FABP6: variants seen among roughly 807,000 people sequenced by gnomAD.
The protein encoded by FABP6 is fatty acid binding protein 6, also known as gastrotropin.
A neutral mutation model predicts 14.9 loss-of-function variants in FABP6; 13 were observed. The observed-to-expected ratio is 0.87, with a 90% confidence interval of 0.57 to 1.39. The LOEUF (loss-of-function observed/expected upper bound fraction) is 1.39. Ranked by LOEUF, FABP6 falls within the 40% of genes most tolerant of loss-of-function variation. The pLI is 0.00. For missense variants in FABP6, 161 were observed against 167.2 expected (o/e 0.96, Z 0.20); for synonymous variants, 75 against 63.6 (o/e 1.18, Z -0.85).
chr5:160,196,428 G>A (rs1759510963), intron 1 of FABP6, among the ~76,000 whole-genome samples: 1 of 152,222 alleles, frequency 6.6e-6, no homozygotes, highest in African/African-American at 2.4e-5. Flanking sequence ...CTAGGGTTAG[G>A]GAAGGCTTTC....
intron 3 of FABP6, among the ~76,000 whole-genome samples, chr5:160,235,445 T>C (rs1760487731): frequency 6.6e-6 from 1 of 152,196 alleles, no homozygotes; most frequent in Admixed American, 6.5e-5. Context: ...CTGTAAATAT[T>C]GGCAGGTCCC....
chr5:160,206,032 T>C (rs1425845904), intron 2 of FABP6, among the ~76,000 whole-genome samples: 2 of 152,202 alleles, frequency 1.3e-5, no homozygotes, highest in African/African-American at 4.8e-5. Flanking sequence ...CCTCCTTCCA[T>C]AAACACATTA....
chr5:160,200,721 A>C (rs1193538173), intron 2 of FABP6, among the ~76,000 whole-genome samples: 2 of 152,108 alleles, frequency 1.3e-5, no homozygotes, highest in Non-Finnish European at 2.9e-5. Context: ...GCAAGTCTTT[A>C]GTTTGAGGAG....
At position 160,201,773 on chromosome 5, in the gene FABP6, T is replaced by A. The variant is rs28699582; in HGVS notation, c.51+2616T>A. Reference sequence around the variant, plus strand: ...CTCATTCATTCATTCACTTATTTATTTATTTTTTGCGACAGGGTCTTACTC... The same window carrying A: ...CTCATTCATTCATTCACTTATTTATATATTTTTTGCGACAGGGTCTTACTC... On this transcript the variant is annotated intron_variant, in intron 2 of 6. Transcript: ENST00000393980. 6.4e-3 allele frequency among the ~76,000 whole-genome samples: 973 copies of A among 152,146 alleles called. 10 individuals carry two copies. The highest frequency in any genetic ancestry group is 0.023 in the African/African-American group (937 of 41,508).
intron 2 of FABP6, among the ~76,000 whole-genome samples, chr5:160,205,535 A>AC (rs796451549): frequency 5.8e-4 from 89 of 152,198 alleles, no homozygotes; most frequent in African/African-American, 2.0e-3. Context: ...GCTGACTCCA[A>AC]CCCTGCTCCA....
At chr5:160,214,162 T>TTCATTCTTTC in intron 3 of FABP6, among the ~76,000 whole-genome samples, 1 of 143,674 alleles carries the variant, frequency 7.0e-6, no homozygotes. Context: ...TTTCTTTCCT[T>TTCATTCTTTC]CTTCTCTCTT....
At chr5:160,222,569 G>A (rs1335356806) in intron 3 of FABP6, among the ~76,000 whole-genome samples, 5 of 152,086 alleles carry the variant, frequency 3.3e-5, no homozygotes. Flanking sequence ...CTTGACCTCA[G>A]GTGATCCACC....
At chr5:160,200,844 GC>G (rs1242242409) in intron 2 of FABP6, among the ~76,000 whole-genome samples, 1 of 69,156 alleles carries the variant, frequency 1.4e-5, no homozygotes, top group Non-Finnish European at 4.1e-5. Flanking sequence ...TTCAAACCTA[GC>G]CCTTGGGTGG....
chr5:160,237,294 T>C (rs533959695), intron 3 of FABP6, among the ~76,000 whole-genome samples: 1 of 152,142 alleles, frequency 6.6e-6, no homozygotes, highest in Non-Finnish European at 1.5e-5. Context: ...TTCCTCATCA[T>C]GGAGCCCATG....
intron 3 of FABP6, among the ~76,000 whole-genome samples, chr5:160,220,494 T>G (rs1230386358): frequency 1.3e-5 from 2 of 151,912 alleles, no homozygotes; most frequent in African/African-American, 4.8e-5. Context: ...CTGAGGTCCC[T>G]GCCACTTGGG....
At chr5:160,191,652 C>T (rs1759395714) in intron 1 of FABP6, among the ~76,000 whole-genome samples, 1 of 151,700 alleles carries the variant, frequency 6.6e-6, no homozygotes, top group Non-Finnish European at 1.5e-5. Flanking sequence ...CACTATATTG[C>T]CAAGGCTGGT....
chr5:160,197,457 C>T (rs962693181), intron 1 of FABP6: 1 of 152,250 alleles, frequency 6.6e-6, no homozygotes, highest in African/African-American at 2.4e-5. Flanking sequence ...TACTATGTAC[C>T]TCACAGTGTG....
chr5:160,234,755 A>C, intron 2 of FABP6, 65 bp from the exon 3 acceptor site: 1 of 1,363,396 alleles, frequency 7.3e-7, no homozygotes, highest in East Asian at 2.5e-5. Context: ...TGCCCGCGCC[A>C]CCAGCCCCAG....
At chr5:160,214,166 C>G (rs144965592) in intron 3 of FABP6, among the ~76,000 whole-genome samples, 107 of 120,944 alleles carry the variant, frequency 8.8e-4, no homozygotes, top group African/African-American at 3.5e-3. Context: ...TTTCCTTCTT[C>G]TCTCTTATAA....
At chr5:160,202,824 G>A (rs1464184766) in intron 2 of FABP6, among the ~76,000 whole-genome samples, 1 of 151,498 alleles carries the variant, frequency 6.6e-6, no homozygotes, top group African/African-American at 2.4e-5. Flanking sequence ...ATTTTAACTG[G>A]CTTTTCTTAG....
At chr5:160,196,489 G>C (rs909945373) in intron 1 of FABP6, 1 of 152,282 alleles carries the variant, frequency 6.6e-6, no homozygotes, top group African/African-American at 2.4e-5. Flanking sequence ...GTTTTGGAAC[G>C]AGGGTTGGCA....
At chr5:160,203,525 C>G (rs1030021036) in intron 2 of FABP6, among the ~76,000 whole-genome samples, 14 of 152,012 alleles carry the variant, frequency 9.2e-5, no homozygotes, top group African/African-American at 3.4e-4. Flanking sequence ...TTTAACGATG[C>G]TCACCTCATT....
At chr5:160,228,541 G>T (rs1760301266), upstream of FABP6, 1 of 456,160 alleles carries the variant, frequency 2.2e-6, no homozygotes. Flanking sequence ...ATGTGAAGTG[G>T]TACTGAGAGA....
At chr5:160,188,893 G>A (rs1394970986) in intron 1 of FABP6, among the ~76,000 whole-genome samples, 7 of 152,210 alleles carry the variant, frequency 4.6e-5, no homozygotes, top group African/African-American at 1.7e-4. Context: ...TTATCTGGGT[G>A]GTGCTTATCC....
Sources: gnomAD v4.1 joint callset for allele counts (sites outside exome capture counted in the v4.1 genomes callset) on GRCh38, gnomAD v4.1.1 for gene constraint, MANE v1.5 for transcripts, NCBI Gene and HGNC (gene_info 2026-07-23, HGNC 2026-07-21) for gene names.